The following GPR107 variants were observed in gnomAD, a reference collection of about 807,000 sequenced individuals.
The protein encoded by GPR107 is protein GPR107.
In GPR107, 31 loss-of-function variants were observed where a neutral mutation model predicts 75.5. That is an observed-to-expected ratio of 0.41 (90% CI 0.31 to 0.55). The LOEUF (loss-of-function observed/expected upper bound fraction) is 0.55. GPR107 is among the 20% of genes least tolerant of loss of function. The probability of loss-of-function intolerance (pLI) is 0.26; values close to 1 mark genes in which losing one functional copy is unlikely to be tolerated. For missense variants in GPR107, 572 were observed against 665.7 expected, an observed-to-expected ratio of 0.86 and a Z score of 1.55; for synonymous variants, 267 against 251.3, an observed-to-expected ratio of 1.06 and a Z score of -0.59.
intron 1 of GPR107, among the ~76,000 whole-genome samples, chr9:130,063,005 A>G (rs1160536772): frequency 6.6e-6 from 1 of 152,158 alleles, no homozygotes; most frequent in African/African-American, 2.4e-5. Flanking sequence ...TTATGAGAGG[A>G]TAAGACAGGG....
chr9:130,116,348 C>T (rs1831428995), intron 14 of GPR107, among the ~76,000 whole-genome samples: 1 of 152,230 alleles, frequency 6.6e-6, no homozygotes, highest in Admixed American at 6.5e-5. Flanking sequence ...TGAGAACCAA[C>T]TCTTCTCAAC....
At chr9:130,107,570 T>G in intron 14 of GPR107, 31 bp downstream of exon 14, 1 of 1,476,974 alleles carries the variant, frequency 6.8e-7, no homozygotes, top group Non-Finnish European at 9.5e-7. Context: ...TTTGTGTTGC[T>G]CAGCTTGCTC....
chr9:130,124,661 C>G (rs1178207070), intron 14 of GPR107, among the ~76,000 whole-genome samples: 1 of 152,132 alleles, frequency 6.6e-6, no homozygotes, highest in African/African-American at 2.4e-5. Context: ...AGCTGCTGAC[C>G]CTGGGGCGGG....
intron 14 of GPR107, among the ~76,000 whole-genome samples, chr9:130,122,105 A>G (rs1331802233): frequency 6.6e-6 from 1 of 151,962 alleles, no homozygotes; most frequent in East Asian, 1.9e-4. Context: ...GTTAGCCAGG[A>G]TGGTCTCGAT....
chr9:130,103,794 G>A lies in GPR107; in HGVS notation c.1132-626G>A, dbSNP rs1831094672. Among the ~76,000 whole-genome samples, 1 of 152,214 alleles carries A rather than the reference G, an allele frequency of 6.6e-6. No homozygotes were observed. The highest frequency in any genetic ancestry group is 2.4e-5 in the African/African-American group (1 of 41,442). The stretch of plus-strand genomic sequence containing the variant: ...GGGTTTGGGGTACCTGAAAAGCAAA[G>A]TGTCCCTGTTATCTACTGCTGCATA... On this transcript the variant is annotated intron_variant, in intron 12 of 17. Coordinates refer to ENST00000347136, the MANE Select transcript of GPR107 (RefSeq NM_020960.5). This position sits in a 1 kb window ranked among gnomAD's most constrained non-coding sequence, Gnocchi z 4.3.
intron 3 of GPR107, among the ~76,000 whole-genome samples, chr9:130,077,097 A>T (rs761186007): frequency 9.2e-5 from 14 of 151,408 alleles, no homozygotes; most frequent in Non-Finnish European, 1.8e-4. Flanking sequence ...CATGTTGGCC[A>T]GGATGGTCTC....
At chr9:130,110,836 C>T (rs2132625688) in intron 14 of GPR107, among the ~76,000 whole-genome samples, 1 of 152,230 alleles carries the variant, frequency 6.6e-6, no homozygotes, top group East Asian at 1.9e-4. Flanking sequence ...CCCTCTGTGC[C>T]CCCTCAGTTC....
At chr9:130,116,159 G>A (rs767368085) in intron 14 of GPR107, among the ~76,000 whole-genome samples, 6 of 152,160 alleles carry the variant, frequency 3.9e-5, no homozygotes, top group Non-Finnish European at 7.3e-5. Context: ...TGGACACATT[G>A]CCAGGCTTTT....
intron 14 of GPR107, among the ~76,000 whole-genome samples, chr9:130,117,492 TG>T (rs1831454427): frequency 6.6e-6 from 1 of 152,138 alleles, no homozygotes; most frequent in Non-Finnish European, 1.5e-5. Flanking sequence ...CTGCGTCCTT[TG>T]GTGCCTTTCT....
intron 5 of GPR107, among the ~76,000 whole-genome samples, chr9:130,081,270 G>A (rs1344054581): frequency 1.3e-5 from 2 of 152,162 alleles, no homozygotes; most frequent in African/African-American, 4.8e-5. Context: ...GGGCATGGTG[G>A]TTCATCCCTG....
intron 2 of GPR107, 71 bp from the exon 3 acceptor site, chr9:130,076,341 C>T: frequency 2.1e-6 from 2 of 946,996 alleles, no homozygotes; most frequent in South Asian, 2.7e-5. Context: ...ACCACTTTTT[C>T]TGCTTTTTGA....
chr9:130,065,103 G>A (rs933522445), intron 1 of GPR107, among the ~76,000 whole-genome samples: 3 of 152,096 alleles, frequency 2.0e-5, no homozygotes, highest in African/African-American at 7.2e-5. Context: ...TCATAGGAAC[G>A]TGTTATTACT....
At chr9:130,081,671 CA>C (rs1279109782) in intron 5 of GPR107, among the ~76,000 whole-genome samples, 95 of 93,588 alleles carry the variant, frequency 1.0e-3, no homozygotes, top group Admixed American at 2.0e-3. Context: ...GACTCTGTCT[CA>C]AAAAAAAAAA....
At chr9:130,062,604 GCCTGCCTGCCTGCCTGCCTTCCTGCCTT>G (rs1461173116) in intron 1 of GPR107, among the ~76,000 whole-genome samples, 27 of 122,120 alleles carry the variant, frequency 2.2e-4, no homozygotes, top group African/African-American at 8.0e-4. Context: ...TCTTTCGCCT[GCCTGCCTGCCTGCCTGCCTTCCTGCCTT>G]CCTGCCTGCC....
intron 9 of GPR107, 51 bp from the exon 10 acceptor site, chr9:130,099,406 C>A: frequency 9.8e-7 from 1 of 1,017,142 alleles, no homozygotes; most frequent in Non-Finnish European, 1.6e-6. Context: ...CTTTGGCTGT[C>A]CTTTGGGAGA....
At chr9:130,090,320 A>C (rs1201138340) in intron 7 of GPR107, among the ~76,000 whole-genome samples, 3 of 152,206 alleles carry the variant, frequency 2.0e-5, no homozygotes, top group Non-Finnish European at 4.4e-5. Context: ...AGCCTTTATT[A>C]TTCTTCTCTA....
chr9:130,095,149 T>G (rs1830833215), intron 9 of GPR107, among the ~76,000 whole-genome samples: 3 of 152,296 alleles, frequency 2.0e-5, no homozygotes, highest in Admixed American at 6.5e-5. Context: ...TTCTTGGCTA[T>G]GAAACTGGGA....
chr9:130,078,140 G>A (rs1420631635), intron 4 of GPR107, among the ~76,000 whole-genome samples: 2 of 151,888 alleles, frequency 1.3e-5, no homozygotes, highest in Non-Finnish European at 2.9e-5. Context: ...ACTCCAGCCT[G>A]GGTGAGAGAG....
chr9:130,101,076 C>T (rs772688132), intron 11 of GPR107, 30 bp from the exon 12 acceptor site: 3 of 1,193,526 alleles, frequency 2.5e-6, no homozygotes, highest in African/African-American at 1.5e-5. Flanking sequence ...AAGAGACCTG[C>T]TGGTGTCTGT....
Sources: gnomAD v4.1 joint callset for allele counts (sites outside exome capture counted in the v4.1 genomes callset) on GRCh38, gnomAD v4.1.1 for gene constraint, Gnocchi (gnomAD v3.1) non-coding constraint, MANE v1.5 for transcripts, NCBI Gene and HGNC (gene_info 2026-07-23, HGNC 2026-07-21) for gene names.